Variants in CACNA2D1 observed in about 807,000 individuals in gnomAD.
The protein encoded by CACNA2D1 is calcium voltage-gated channel auxiliary subunit alpha2delta 1, also known as voltage-dependent calcium channel subunit alpha-2/delta-1.
Under a neutral mutation model 171.5 loss-of-function variants are expected in CACNA2D1, and 53 were observed. That is an observed-to-expected ratio of 0.31 (90% confidence interval 0.25 to 0.39). The LOEUF (loss-of-function observed/expected upper bound fraction) is 0.39. CACNA2D1 is among the 10% of genes least tolerant of loss of function. CACNA2D1 has a pLI of 1.00. For synonymous variants in CACNA2D1, 442 were observed against 443.1 expected (o/e 1.00, Z 0.03); for missense variants, 903 against 1,299.8 (o/e 0.69, Z 4.69).
intron 7 of CACNA2D1, among the ~76,000 whole-genome samples, chr7:82,084,386 TTCAA>T (rs1563021009): frequency 1.3e-5 from 2 of 152,182 alleles, no homozygotes; most frequent in African/African-American, 4.8e-5. Flanking sequence ...TGTTACAAAT[TTCAA>T]TCAATTTATA....
intron 3 of CACNA2D1, among the ~76,000 whole-genome samples, chr7:82,242,244 AGGGAGT>A (rs1323472839): frequency 1.3e-5 from 2 of 151,722 alleles, no homozygotes; most frequent in African/African-American, 4.8e-5. Context: ...GAACAGTATA[AGGGAGT>A]GTACAATACA....
At chr7:82,113,835 T>A (rs1034705006) in intron 6 of CACNA2D1, among the ~76,000 whole-genome samples, 1 of 152,136 alleles carries the variant, frequency 6.6e-6, no homozygotes, top group Non-Finnish European at 1.5e-5. Flanking sequence ...GCTTATAACA[T>A]TGGACATGAA....
intron 10 of CACNA2D1, among the ~76,000 whole-genome samples, chr7:82,053,027 C>T (rs1268789098): frequency 1.3e-5 from 2 of 151,892 alleles, no homozygotes; most frequent in South Asian, 2.1e-4. Context: ...CAGAGGCGGG[C>T]GGATCACAAG....
intron 3 of CACNA2D1, among the ~76,000 whole-genome samples, chr7:82,310,541 C>A (rs1363878423): frequency 1.3e-5 from 2 of 151,832 alleles, no homozygotes; most frequent in Non-Finnish European, 2.9e-5. Flanking sequence ...ATCAAAAACA[C>A]ATATTAATGC....
chr7:82,190,831 A>C (rs902178164), intron 3 of CACNA2D1, among the ~76,000 whole-genome samples: 2 of 151,644 alleles, frequency 1.3e-5, no homozygotes, highest in African/African-American at 4.8e-5. Context: ...GACAAACTAG[A>C]TTACTTAAAG....
chr7:82,415,486 C>T (rs1394632741), intron 1 of CACNA2D1, among the ~76,000 whole-genome samples: 6 of 151,844 alleles, frequency 4.0e-5, no homozygotes, highest in East Asian at 1.9e-4. Context: ...GCTGAGATCA[C>T]GCCACTGCAC....
intron 34 of CACNA2D1, 131 bp from the exon 35 acceptor site, chr7:81,962,626 A>AT: frequency 1.5e-6 from 1 of 659,380 alleles, no homozygotes; most frequent in Middle Eastern, 4.2e-4. Context: ...TTATTTAAGT[A>AT]TTTTCAAAAT....
chr7:82,165,413 A>T (rs1368916050), intron 4 of CACNA2D1, among the ~76,000 whole-genome samples: 1 of 152,052 alleles, frequency 6.6e-6, no homozygotes, highest in African/African-American at 2.4e-5. Flanking sequence ...AGAAAATATT[A>T]AAAATTGTTA....
chr7:82,377,935 C>T (rs1389578424), intron 1 of CACNA2D1, among the ~76,000 whole-genome samples: 1 of 152,148 alleles, frequency 6.6e-6, no homozygotes, highest in East Asian at 1.9e-4. Flanking sequence ...GAGTTCAGGT[C>T]TCCAGAGTCA....
At chr7:82,347,451 A>T (rs1394333177) in intron 2 of CACNA2D1, among the ~76,000 whole-genome samples, 3 of 152,116 alleles carry the variant, frequency 2.0e-5, no homozygotes, top group Non-Finnish European at 4.4e-5. Context: ...GTAATTTGTA[A>T]TTTGAAGAAC....
At chr7:82,365,248 C>A (rs1458173460) in intron 1 of CACNA2D1, among the ~76,000 whole-genome samples, 1 of 152,084 alleles carries the variant, frequency 6.6e-6, no homozygotes, top group Non-Finnish European at 1.5e-5. Flanking sequence ...TGGCCTTCCA[C>A]CAAAAACTGT....
In CACNA2D1 at chr7:82,066,541, A is replaced by AAG. The variant is rs66474649; in HGVS notation, c.659-19_659-18dup. 1.2e-5 allele frequency: 19 copies of AAG among 1,563,802 alleles called. No individual in the cohort carries two copies. In the African/African-American group the frequency reaches 1.4e-4, roughly 11 times the overall value. On this transcript the variant is annotated splice_polypyrimidine_tract_variant and intron_variant, in intron 7 of 38. Transcript: ENST00000356860. The stretch of plus-strand genomic sequence containing the variant: ...ATGGTGAAGCTAAAAAAAAAAAAAA[A>AAG]AGAGAGATATTAAATCAAAATATTA...
rs757283095 is a variant in CACNA2D1 at position 81,965,545 on chromosome 7, G to A, written c.2574+49C>T. 87 of 961,876 alleles carry A rather than the reference G, an allele frequency of 9.0e-5. No individual in the cohort carries two copies. The Admixed American group carries it at 1.1e-3, about 12-fold the overall frequency. The allele number at this position is 961,876 out of a possible 1,614,324, so 59.6% of individuals were successfully genotyped here. ...GAAAGAGGTTTTGTAATGTTGATCC[G>A]GGAAACACACTTTGGAAAGCCTAAT... On this transcript the variant is annotated intron_variant, in intron 32 of 38. Transcript: ENST00000356860.
At chr7:81,987,078 A>C (rs2130697434) in intron 21 of CACNA2D1, among the ~76,000 whole-genome samples, 1 of 152,290 alleles carries the variant, frequency 6.6e-6, no homozygotes, top group Admixed American at 6.5e-5. Context: ...TGAGGAAGAA[A>C]AGAGAAGTTT....
intron 10 of CACNA2D1, 69 bp downstream of exon 10, chr7:82,060,359 G>A: frequency 2.0e-6 from 2 of 997,780 alleles, no homozygotes; most frequent in South Asian, 2.6e-5. Context: ...AAAGTATAAA[G>A]TACCTAAAGT....
chr7:82,016,051 T>G (rs1800402706), intron 12 of CACNA2D1, among the ~76,000 whole-genome samples: 1 of 152,136 alleles, frequency 6.6e-6, no homozygotes, highest in Admixed American at 6.5e-5. Flanking sequence ...ATGACAGAAG[T>G]TGGTTTTTTT....
At chr7:82,121,457 T>C (rs1037676082) in intron 5 of CACNA2D1, among the ~76,000 whole-genome samples, 6 of 152,240 alleles carry the variant, frequency 3.9e-5, no homozygotes, top group Middle Eastern at 3.4e-3. Flanking sequence ...TAGAAAGAGG[T>C]GTGGAACTTT....
intron 7 of CACNA2D1, among the ~76,000 whole-genome samples, chr7:82,072,399 G>A (rs1189354338): frequency 6.6e-6 from 1 of 151,794 alleles, no homozygotes; most frequent in Admixed American, 6.6e-5. Context: ...TCACTGTATT[G>A]CTCTCATTCC....
intron 38 of CACNA2D1, among the ~76,000 whole-genome samples, chr7:81,955,043 C>T (rs957767829): frequency 7.9e-5 from 12 of 152,012 alleles, no homozygotes; most frequent in African/African-American, 2.2e-4. Context: ...TAATAAATTT[C>T]TCAATGGACA....
Sources: gnomAD v4.1 joint callset for allele counts (sites outside exome capture counted in the v4.1 genomes callset) on GRCh38, gnomAD v4.1.1 for gene constraint, MANE v1.5 for transcripts, NCBI Gene and HGNC (gene_info 2026-07-23, HGNC 2026-07-21) for gene names.